ZFP28: variants seen among roughly 807,000 people sequenced by gnomAD.
The protein encoded by ZFP28 is ZFP28 zinc finger protein.
Under a neutral mutation model 39.5 loss-of-function variants are expected in ZFP28, and 31 were observed. The ratio of observed to expected loss-of-function variants is 0.79; its 90% CI spans 0.59 to 1.06. ZFP28 has a LOEUF of 1.06. ZFP28 is among the 50% of genes least tolerant of loss of function. ZFP28 has a pLI of 0.00. For synonymous variants in ZFP28, 400 were observed against 378.6 expected, an observed-to-expected ratio of 1.06 and a Z score of -0.66; for missense variants, 925 against 1,048.4, an observed-to-expected ratio of 0.88 and a Z score of 1.63.
chr19:56,548,002 C>A, intron 4 of ZFP28, 100 bp downstream of exon 4: 2 of 1,077,474 alleles, frequency 1.9e-6, no homozygotes, highest in East Asian at 2.5e-5. Context: ...AAGCCTCTTG[C>A]TTAGGAATAT....
At chr19:56,543,648 C>T (rs886601097) in intron 2 of ZFP28, among the ~76,000 whole-genome samples, 12 of 152,016 alleles carry the variant, frequency 7.9e-5, no homozygotes, top group African/African-American at 2.9e-4. Context: ...AATGTTTTCT[C>T]TGTGGTATAG....
chr19:56,547,718 C>A lies in ZFP28; in HGVS notation c.427+84C>A. On this transcript the variant is annotated intron_variant, in intron 3 of 7. Transcript: ENST00000301318. The surrounding 1 kb of genome is among the most constrained non-coding windows in gnomAD (Gnocchi z 4.6). The stretch of plus-strand genomic sequence containing the variant: ...CCTTTCATGCCTTTATCACCCAGAC[C>A]TGCACTGCCCTCTTGCGTCAAGCCA... The A allele has an allele frequency of 6.3e-7, 1 of 1,594,988 alleles. No individual in the cohort carries two copies.
intron 7 of ZFP28, among the ~76,000 whole-genome samples, chr19:56,553,445 GGCCTCAAGTGATCC>G (rs1290602796): frequency 1.3e-5 from 2 of 152,036 alleles, no homozygotes; most frequent in African/African-American, 2.4e-5. Flanking sequence ...ATGTTGTCCT[GGCCTCAAGTGATCC>G]GCCTCAAGTG....
intron 2 of ZFP28, among the ~76,000 whole-genome samples, chr19:56,543,580 TTAAGA>T (rs1212318708): frequency 1.3e-5 from 2 of 151,934 alleles, no homozygotes; most frequent in African/African-American, 2.4e-5. Flanking sequence ...CATATGTATA[TTAAGA>T]TGAGTTAACT....
Position 56,554,990 on chromosome 19 carries a change from A to G in ZFP28, c.2205A>G (p.Gly735=). The change falls in exon 8 of 8, where the codon GGA becomes GGG. Residue 735 remains glycine, a synonymous_variant. Transcript: ENST00000301318. This position sits in a 1 kb window ranked among gnomAD's most constrained non-coding sequence, Gnocchi z 6.7. The part of the protein sequence containing the change: ...GQRPYECIEC[G]KAFKTKSSLI... ...GACCTTATGAATGTATTGAGTGTGG[A>G]AAGGCATTCAAGACAAAATCCTCCC... 1 of 1,614,148 alleles carries G rather than the reference A, an allele frequency of 6.2e-7. No homozygotes were observed. Among genetic ancestry groups the G allele is most frequent in the Non-Finnish European group, 8.5e-7 (1 of 1,180,032 alleles).
At position 56,539,051 on chromosome 19, in the gene ZFP28, G is replaced by C. The variant is rs1306655722; in HGVS notation, c.33G>C (p.Glu11Asp). ...GGGCGGCGAGCGCGAGTGTCCGCGA[G>C]CCGACGCCGCTCCCGGGTAGAGGCG... MRGAASASVR[E>D]PTPLPGRGAP... Residue 11 changes from glutamate to aspartate, a missense_variant, in exon 1 of 8, where the codon GAG becomes GAC. Coordinates refer to ENST00000301318, the MANE Select transcript of ZFP28 (RefSeq NM_020828.2). 23 of 1,497,314 alleles carry C rather than the reference G, an allele frequency of 1.5e-5. No homozygotes were observed. Among genetic ancestry groups the C allele is most frequent in the Non-Finnish European group, 1.9e-5 (22 of 1,128,386 alleles). The allele number at this position is 1,497,314 out of a possible 1,614,324, so 92.8% of individuals were successfully genotyped here.
In ZFP28 at chr19:56,539,080, C is replaced by A. The variant is rs553987932; in HGVS notation, c.62C>A (p.Pro21His). Residue 21 changes from proline to histidine, a missense_variant, in exon 1 of 8, where the codon CCC becomes CAC. Pro to His is a moderately conservative substitution (Grantham distance 77). This residue lies in a region of ZFP28 where 556 missense variants were observed against 542.9 expected (regional missense o/e 1.02). Transcript: ENST00000301318. ...ACGCCGCTCCCGGGTAGAGGCGCCC[C>A]CCGCACAAAGCCCCGGGCGGGCCGA... is the stretch of plus-strand genomic sequence containing the variant. ...EPTPLPGRGA[P>H]RTKPRAGRGP... The A allele has an allele frequency of 6.5e-7, 1 of 1,532,644 alleles. No homozygotes were observed. The highest frequency in any genetic ancestry group is 1.4e-5 in the African/African-American group (1 of 72,584). The allele number at this position is 1,532,644 out of a possible 1,614,324, so 94.9% of individuals were successfully genotyped here. A position where few individuals can be genotyped will look rare whatever the true frequency, so the allele number is the denominator to read the frequency against.
At chr19:56,552,795 T>G (rs2147963673) in intron 7 of ZFP28, 1 of 152,360 alleles carries the variant, frequency 6.6e-6, no homozygotes, top group Non-Finnish European at 1.5e-5. Flanking sequence ...TTCTGTAACT[T>G]AATTATTTCT....
At chr19:56,544,819 CAA>C (rs767446308) in intron 2 of ZFP28, 1 of 152,114 alleles carries the variant, frequency 6.6e-6, no homozygotes, top group Non-Finnish European at 1.5e-5. Context: ...ATTTTTAAAA[CAA>C]AAGTCATTGA....
rs754386597 is a variant in ZFP28, at chr19:56,549,534, G to A, written c.687+413G>A. 1.2e-3 allele frequency among the ~76,000 whole-genome samples: 186 copies of A among 152,144 alleles called. 1 individual carries two copies. Among genetic ancestry groups the A allele is most frequent in the Non-Finnish European group, 2.4e-3 (163 of 68,016 alleles). On this transcript the variant is annotated intron_variant, in intron 5 of 7. Coordinates refer to ENST00000301318, the MANE Select transcript of ZFP28 (RefSeq NM_020828.2). ...CTACTAAAAATACAAAAAATTAGCCGGGCGTGCTGGCGGGCGCCTGTAGTC... is the reference window on the plus strand; with the variant it reads ...CTACTAAAAATACAAAAAATTAGCCAGGCGTGCTGGCGGGCGCCTGTAGTC...
At chr19:56,541,380 G>T (rs763438909) in intron 2 of ZFP28, among the ~76,000 whole-genome samples, 1 of 152,132 alleles carries the variant, frequency 6.6e-6, no homozygotes, top group Non-Finnish European at 1.5e-5. Flanking sequence ...ACCAGCAGCA[G>T]GTCCAAGTCC....
chr19:56,542,452 CAAT>C (rs749955930), intron 2 of ZFP28, among the ~76,000 whole-genome samples: 14 of 152,334 alleles, frequency 9.2e-5, no homozygotes, highest in Non-Finnish European at 1.9e-4. Context: ...CGCGCCCAGA[CAAT>C]AATTGTATTT....
rs527959741 is a variant in ZFP28, at chr19:56,551,434, G to A, written c.898+829G>A. The A allele has an allele frequency of 2.8e-4, 279 of 985,388 alleles. 3 individuals are homozygous for A. The highest frequency in any genetic ancestry group is 2.6e-3 in the Middle Eastern group (5 of 1,914). The allele number at this position is 985,388 out of a possible 1,614,324, so 61.0% of individuals were successfully genotyped here. On this transcript the variant is annotated intron_variant, in intron 7 of 7. Transcript: ENST00000301318. ...GAAATTACAGTGTATATTCAGTTAC[G>A]CATACACGTTTTTCATGTGGATTCC...
upstream of ZFP28, among the ~76,000 whole-genome samples, chr19:56,537,470 A>T (rs1022069227): frequency 1.3e-5 from 2 of 152,188 alleles, no homozygotes; most frequent in African/African-American, 4.8e-5. Context: ...TGGGGAGGTG[A>T]GTATTATAAG....
In ZFP28 at chr19:56,539,038, C is replaced by T. The variant is rs753148176; in HGVS notation, c.20C>T (p.Ala7Val). 1.4e-4 allele frequency: 203 copies of T among 1,459,828 alleles called. No homozygotes were observed. The highest frequency in any genetic ancestry group is 2.0e-5 in the Non-Finnish European group (22 of 1,113,058). 90.4% of individuals were successfully genotyped at this position (1,459,828 alleles called of 1,614,324 possible). The change falls in exon 1 of 8, where the codon GCG becomes GTG. Residue 7 changes from alanine to valine, a missense_variant. Coordinates refer to ENST00000301318, the MANE Select transcript of ZFP28 (RefSeq NM_020828.2). ...GGTGACATGCGGGGGGCGGCGAGCG[C>T]GAGTGTCCGCGAGCCGACGCCGCTC... is the stretch of plus-strand genomic sequence containing the variant. MRGAAS[A>V]SVREPTPLPG...
intron 4 of ZFP28, 139 bp from the exon 5 acceptor site, chr19:56,548,819 G>T: frequency 1.1e-6 from 1 of 941,400 alleles, no homozygotes; most frequent in Non-Finnish European, 1.5e-6. Flanking sequence ...CTTTCAAAAT[G>T]ATATGCTTTT....
At chr19:56,551,125 G>T in intron 7 of ZFP28, 2 of 1,021,712 alleles carry the variant, frequency 2.0e-6, no homozygotes, top group South Asian at 7.7e-5. Context: ...AGAGTTTGCA[G>T]AATTTCAAAT....
rs199776288 is a variant in ZFP28, at chr19:56,544,064, ATTAAG to A, written c.301-3438_301-3434del. ...CCTGCCTCAAGCAGTTCTTGTAAGG[ATTAAG>A]TTAAGATGTGTATAGTGCCTGGATT... On this transcript the variant is annotated intron_variant, in intron 2 of 7. Coordinates refer to ENST00000301318, the MANE Select transcript of ZFP28 (RefSeq NM_020828.2). Among the ~76,000 whole-genome samples the A allele has an allele frequency of 6.1e-3, 924 of 152,336 alleles. 2 individuals carry two copies. The highest frequency in any genetic ancestry group is 9.6e-3 in the Non-Finnish European group (655 of 68,044).
At chr19:56,540,752 A>T (rs768485333) in intron 2 of ZFP28, among the ~76,000 whole-genome samples, 5 of 152,212 alleles carry the variant, frequency 3.3e-5, no homozygotes, top group Non-Finnish European at 7.3e-5. Flanking sequence ...AAATGAATGG[A>T]TGGGCTGTGT....
Sources: gnomAD v4.1 joint callset for allele counts (sites outside exome capture counted in the v4.1 genomes callset) on GRCh38, gnomAD v4.1.1 for gene constraint, gnomAD v4.1.1 regional missense constraint, Gnocchi (gnomAD v3.1) non-coding constraint, MANE v1.5 for transcripts, NCBI Gene and HGNC (gene_info 2026-07-23, HGNC 2026-07-21) for gene names.